Variants in TWIST2 observed in about 807,000 individuals in gnomAD.
TWIST2 encodes the protein twist family bHLH transcription factor 2, also known as twist-related protein 2.
In TWIST2, 1 loss-of-function variant was observed where a neutral mutation model predicts 11.6. That is an observed-to-expected ratio of 0.09 (90% confidence interval 0.03 to 0.41). The LOEUF (loss-of-function observed/expected upper bound fraction) is 0.41. TWIST2 is among the 10% of genes least tolerant of loss of function. The pLI is 0.98. For missense variants in TWIST2, 168 were observed against 226.4 expected (o/e 0.74, Z 1.66); for synonymous variants, 87 against 96.6 (o/e 0.90, Z 0.58).
intron 1 of TWIST2, among the ~76,000 whole-genome samples, chr2:238,909,113 A>G (rs1434779194): frequency 0.013 from 144 of 10,686 alleles, 8 homozygotes; most frequent in South Asian, 0.023. Flanking sequence ...GTGTGTGTGT[A>G]TGTGGGGTGG....
chr2:238,905,955 GTA>G (rs1693345633), intron 1 of TWIST2, among the ~76,000 whole-genome samples: 152 of 112,402 alleles, frequency 1.4e-3, no homozygotes, highest in African/African-American at 3.5e-3. Flanking sequence ...GCGCGCGTGT[GTA>G]CGTGTGCGTG....
At chr2:238,860,521 G>T (rs2106352166) in intron 1 of TWIST2, among the ~76,000 whole-genome samples, 1 of 152,340 alleles carries the variant, frequency 6.6e-6, no homozygotes, top group East Asian at 1.9e-4. Flanking sequence ...ACTGATAGAA[G>T]CCCCAGAGAT....
chr2:238,890,370 G>A (rs550123191), intron 1 of TWIST2, among the ~76,000 whole-genome samples: 6 of 152,312 alleles, frequency 3.9e-5, no homozygotes, highest in East Asian at 1.9e-4. Context: ...GTGAAAGTCC[G>A]GCACCTCCCC....
intron 1 of TWIST2, among the ~76,000 whole-genome samples, chr2:238,907,760 AAC>A (rs1273078829): frequency 4.3e-5 from 6 of 139,484 alleles, no homozygotes; most frequent in Admixed American, 2.1e-4. Flanking sequence ...CACACACAAA[AAC>A]ACACAAACAC....
rs1008027961 is a variant in TWIST2, at chr2:238,905,108, C to T, written c.*36-4734C>T. On this transcript the variant is annotated intron_variant, in intron 1 of 1. Transcript: ENST00000612363. ...GATAAATGGTCTTAGAGTAAAACGCCTTTCCCTTGGCCCACCCTGCCTCCC... is the reference window on the plus strand; with the variant it reads ...GATAAATGGTCTTAGAGTAAAACGCTTTTCCCTTGGCCCACCCTGCCTCCC... Among the ~76,000 whole-genome samples, 608 of 152,214 alleles carry T rather than the reference C, an allele frequency of 4.0e-3. 15 individuals are homozygous for T. Among genetic ancestry groups the T allele is most frequent in the Admixed American group, 0.029 (440 of 15,292 alleles).
chr2:238,898,752 C>T (rs944858135), intron 1 of TWIST2, among the ~76,000 whole-genome samples: 9 of 152,190 alleles, frequency 5.9e-5, no homozygotes, highest in Non-Finnish European at 7.3e-5. Flanking sequence ...TTGAGGCTTC[C>T]GTTGGGGTGG....
chr2:238,865,388 A>AG (rs1159270636), intron 1 of TWIST2, among the ~76,000 whole-genome samples: 5 of 152,134 alleles, frequency 3.3e-5, no homozygotes, highest in African/African-American at 1.2e-4. Context: ...CCGGAGAGTG[A>AG]GGGGGGCCTG....
intron 1 of TWIST2, among the ~76,000 whole-genome samples, chr2:238,881,573 G>C (rs1692932764): frequency 6.6e-6 from 1 of 152,076 alleles, no homozygotes; most frequent in South Asian, 2.1e-4. Context: ...GAATTTATTA[G>C]TATTAGTGTC....
At chr2:238,865,394 G>T (rs984597953) in intron 1 of TWIST2, among the ~76,000 whole-genome samples, 3 of 152,222 alleles carry the variant, frequency 2.0e-5, no homozygotes, top group Admixed American at 6.5e-5. Context: ...AGTGAGGGGG[G>T]CCTGGATCCA....
intron 1 of TWIST2, among the ~76,000 whole-genome samples, chr2:238,899,515 C>A (rs1192104050): frequency 6.6e-6 from 1 of 152,188 alleles, no homozygotes; most frequent in Non-Finnish European, 1.5e-5. Flanking sequence ...CCCAAGGCTG[C>A]GCCACAGAGA....
chr2:238,855,156 A>G (rs944364411), intron 1 of TWIST2, among the ~76,000 whole-genome samples: 1 of 152,178 alleles, frequency 6.6e-6, no homozygotes, highest in African/African-American at 2.4e-5. Context: ...TCCCTTCCGG[A>G]AAGTTTGTGT....
At chr2:238,888,261 GT>G (rs759869103) in intron 1 of TWIST2, among the ~76,000 whole-genome samples, 6 of 152,324 alleles carry the variant, frequency 3.9e-5, no homozygotes, top group African/African-American at 1.4e-4. Flanking sequence ...CTTCTGCCCT[GT>G]TTTCAGAGTC....
At chr2:238,878,105 G>T (rs2106363092) in intron 1 of TWIST2, among the ~76,000 whole-genome samples, 1 of 152,304 alleles carries the variant, frequency 6.6e-6, no homozygotes, top group East Asian at 1.9e-4. Context: ...TTTTGTGCAG[G>T]TCTACCCAAG....
At chr2:238,862,006 TC>T (rs1442846222) in intron 1 of TWIST2, among the ~76,000 whole-genome samples, 1 of 152,198 alleles carries the variant, frequency 6.6e-6, no homozygotes, top group Non-Finnish European at 1.5e-5. Context: ...TATAATTTCA[TC>T]CCACTGAGGT....
chr2:238,879,327 T>C (rs1432737643), intron 1 of TWIST2, among the ~76,000 whole-genome samples: 1 of 152,170 alleles, frequency 6.6e-6, no homozygotes, highest in Non-Finnish European at 1.5e-5. Context: ...TGACAGTCCC[T>C]CCCTGTCAGC....
rs1247877325 is a variant in TWIST2, at chr2:238,905,916, T to C, written c.*36-3926T>C. On this transcript the variant is annotated intron_variant, in intron 1 of 1. Coordinates refer to ENST00000612363, the MANE Select transcript of TWIST2 (RefSeq NM_001271893.4). ...ATGCGCGTGTGTGCGTGTGTGTGCG[T>C]GCAGGTGTGCGTGTGCGCGTGTGTG... Among the ~76,000 whole-genome samples, 21 of 122,152 alleles carry C rather than the reference T, an allele frequency of 1.7e-4. No individual in the cohort carries two copies. The East Asian group carries it at 3.3e-3, about 19-fold the overall frequency. 80.1% of individuals were successfully genotyped at this position (122,152 alleles called of 152,430 possible). A position where few individuals can be genotyped will look rare whatever the true frequency, so the allele number is the denominator to read the frequency against.
chr2:238,868,299 T>G (rs1042873000), intron 1 of TWIST2, among the ~76,000 whole-genome samples: 2 of 152,206 alleles, frequency 1.3e-5, no homozygotes, highest in Admixed American at 6.5e-5. Context: ...GTCTCAAACC[T>G]GACTGCCCAA....
intron 1 of TWIST2, among the ~76,000 whole-genome samples, chr2:238,908,073 C>G (rs1335991050): frequency 6.8e-6 from 1 of 147,802 alleles, no homozygotes; most frequent in Non-Finnish European, 1.5e-5. Context: ...GCCACATACA[C>G]CACACACCAT....
chr2:238,875,345 C>T (rs1298023986), intron 1 of TWIST2, among the ~76,000 whole-genome samples: 1 of 151,824 alleles, frequency 6.6e-6, no homozygotes, highest in Non-Finnish European at 1.5e-5. Flanking sequence ...AGAAGACGGC[C>T]TCTTCCAAGA....
Sources: gnomAD v4.1 joint callset for allele counts (sites outside exome capture counted in the v4.1 genomes callset) on GRCh38, gnomAD v4.1.1 for gene constraint, MANE v1.5 for transcripts, NCBI Gene and HGNC (gene_info 2026-07-23, HGNC 2026-07-21) for gene names.